BTBD3: variants seen among roughly 807,000 people sequenced by gnomAD.
BTBD3 encodes BTB/POZ domain-containing protein 3.
A neutral mutation model predicts 41.6 loss-of-function variants in BTBD3; 14 were observed. That is an observed-to-expected ratio of 0.34 (90% CI 0.22 to 0.53). The LOEUF (loss-of-function observed/expected upper bound fraction) is 0.53. Ranked by LOEUF, BTBD3 falls within the 20% of genes least tolerant of loss-of-function variation. BTBD3 has a pLI of 0.95. For missense variants in BTBD3, 426 were observed against 654.7 expected, an observed-to-expected ratio of 0.65 and a Z score of 3.81; for synonymous variants, 249 against 233.7, an observed-to-expected ratio of 1.07 and a Z score of -0.60.
At chr20:11,892,491 T>A (rs2056761337) in intron 1 of BTBD3, 1 of 152,208 alleles carries the variant, frequency 6.6e-6, no homozygotes. Flanking sequence ...ACAGGACTCT[T>A]CCTTTTCGGA....
chr20:11,892,361 T>A (rs1391469462), intron 1 of BTBD3: 1 of 152,262 alleles, frequency 6.6e-6, no homozygotes, highest in African/African-American at 2.4e-5. Flanking sequence ...GTTTTAACTT[T>A]AACCTGAGGG....
Position 11,918,296 on chromosome 20 carries a change from G to T in BTBD3, c.21G>T (p.Lys7Asn). 1 of 1,595,814 alleles carries T rather than the reference G, an allele frequency of 6.3e-7. No homozygotes were observed. The highest frequency in any genetic ancestry group is 1.1e-5 in the South Asian group (1 of 87,314). The stretch of plus-strand genomic sequence containing the variant: ...TACTCATGGTAGATGACAAGGAAAA[G>T]AACATGAAATGTCTCACCTTCTTCT... MVDDKE[K>N]NMKCLTFFLM... is the part of the protein sequence containing the mutation. The change falls in exon 1 of 4, where the codon AAG becomes AAT. Residue 7 changes from lysine (K) to asparagine (N), a missense_variant. Transcript: ENST00000378226.
Position 11,909,208 on chromosome 20 carries a change from AG to A in BTBD3, c.-125-9124del, listed in dbSNP as rs532723406. Among the ~76,000 whole-genome samples the A allele has an allele frequency of 2.3e-4, 34 of 149,630 alleles. No individual in the cohort carries two copies. In the East Asian group the frequency reaches 6.3e-3, roughly 28 times the overall value. Reference sequence around the variant, plus strand: ...AGAATTGCCTGAACCCTGGAGGCGGAGGTTGCAGTGAGCTGAGATTGTGCCA... The same window carrying A: ...AGAATTGCCTGAACCCTGGAGGCGGAGTTGCAGTGAGCTGAGATTGTGCCA... On this transcript the variant is annotated intron_variant, in intron 1 of 4. Transcript: ENST00000254977.
At chr20:11,917,813 G>A, upstream of BTBD3, 1 of 528,656 alleles carries the variant, frequency 1.9e-6, no homozygotes, top group Non-Finnish European at 2.4e-6. Flanking sequence ...CATGATTGGT[G>A]ACTTCAGCTA....
intron 1 of BTBD3, among the ~76,000 whole-genome samples, chr20:11,898,342 T>C (rs142791804): frequency 1.6e-3 from 249 of 152,128 alleles, no homozygotes; most frequent in Non-Finnish European, 2.4e-3. Context: ...CTTTTTCCTC[T>C]GCCTATAATA....
At chr20:11,896,227 C>A (rs2056786414) in intron 1 of BTBD3, among the ~76,000 whole-genome samples, 1 of 152,112 alleles carries the variant, frequency 6.6e-6, no homozygotes. Flanking sequence ...CATCTGAATC[C>A]TAATGTTTCC....
chr20:11,909,830 A>G (rs543821004), intron 1 of BTBD3: 1 of 152,192 alleles, frequency 6.6e-6, no homozygotes, highest in Admixed American at 6.5e-5. Context: ...GCCTTTCCCA[A>G]CCTGTCCTGT....
At chr20:11,903,930 G>A (rs140649579) in intron 1 of BTBD3, among the ~76,000 whole-genome samples, 2 of 152,242 alleles carry the variant, frequency 1.3e-5, no homozygotes, top group East Asian at 3.9e-4. Flanking sequence ...ATTGTCTCTT[G>A]TATCCTTCAT....
Position 11,923,197 on chromosome 20 carries a change from G to A in BTBD3, c.1100G>A (p.Arg367His), listed in dbSNP as rs754641290. The change falls in exon 4 of 4, where the codon CGT becomes CAT. Residue 367 changes from arginine (R) to histidine (H), a missense_variant. Physicochemically the swap from Arg to His is conservative, Grantham distance 29. Around this residue, in one of 3 missense-constraint regions of BTBD3, gnomAD observed 321 missense variants for 534.8 expected, o/e 0.60. Coordinates refer to ENST00000378226, the MANE Select transcript of BTBD3 (RefSeq NM_014962.4). The surrounding 1 kb of genome is among the most constrained non-coding windows in gnomAD (Gnocchi z 5.3). The part of the protein sequence containing the change: ...KPELQFVSKA[R>H]KGLVPQRCHR... ...GAGCTTCAGTTTGTGAGTAAAGCCC[G>A]TAAGGGCCTTGTCCCCCAGCGCTGT... 4 of 1,614,230 alleles carry A rather than the reference G, an allele frequency of 2.5e-6. No individual in the cohort carries two copies. Among genetic ancestry groups the A allele is most frequent in the South Asian group, 1.1e-5 (1 of 91,088 alleles).
chr20:11,902,478 C>T lies in BTBD3; in HGVS notation c.-126+11524C>T, dbSNP rs149376658. 1.7e-4 allele frequency among the ~76,000 whole-genome samples: 26 copies of T among 152,206 alleles called. No individual in the cohort carries two copies. The East Asian group carries it at 1.9e-3, about 11-fold the overall frequency. ...TTTGTATGGGTCTCATGATGTTATT[C>T]GTGGTTTACTGTATTGCACTAAACA... On this transcript the variant is annotated intron_variant, in intron 1 of 4. Transcript: ENST00000254977.
At chr20:11,915,657 T>C (rs1035273535), upstream of BTBD3, among the ~76,000 whole-genome samples, 8 of 152,158 alleles carry the variant, frequency 5.3e-5, no homozygotes, top group African/African-American at 1.9e-4. Context: ...TAAGAAAAAG[T>C]AGCCGTCAGA....
At chr20:11,890,887 C>CT in exon 1 of BTBD3, 1 of 985,010 alleles carries the variant, frequency 1.0e-6, no homozygotes, top group Non-Finnish European at 1.2e-6. Context: ...CCGGCCGGGG[C>CT]CTGAGGAGCG....
intron 1 of BTBD3, among the ~76,000 whole-genome samples, chr20:11,897,181 C>T (rs1185848098): frequency 6.6e-6 from 1 of 152,122 alleles, no homozygotes; most frequent in Non-Finnish European, 1.5e-5. Flanking sequence ...CGCCTGTTGT[C>T]ACAAATAGTC....
In BTBD3 at chr20:11,918,610, C is replaced by T. The variant is rs374401806; in HGVS notation, c.326+9C>T. 5.0e-5 allele frequency: 79 copies of T among 1,566,104 alleles called. No homozygotes were observed. Among genetic ancestry groups the T allele is most frequent in the East Asian group, 2.0e-4 (9 of 44,554 alleles). Reference sequence around the variant, plus strand: ...CCCACCATTAGAGAGAGGTAAGTGCCGCGCTAGTCTATTTACTTTAAAAGT... The same window carrying T: ...CCCACCATTAGAGAGAGGTAAGTGCTGCGCTAGTCTATTTACTTTAAAAGT... On this transcript the variant is annotated intron_variant, in intron 1 of 3. Coordinates refer to ENST00000378226, the MANE Select transcript of BTBD3 (RefSeq NM_014962.4).
At chr20:11,897,966 C>T (rs997781376) in intron 1 of BTBD3, among the ~76,000 whole-genome samples, 5 of 152,098 alleles carry the variant, frequency 3.3e-5, no homozygotes, top group East Asian at 3.9e-4. Context: ...AAGACCAGCC[C>T]GGCCAACATG....
intron 1 of BTBD3, among the ~76,000 whole-genome samples, chr20:11,892,097 A>G (rs540221091): frequency 3.3e-5 from 5 of 152,340 alleles, no homozygotes; most frequent in African/African-American, 9.6e-5. Flanking sequence ...GATGAAACTC[A>G]AATTCATTTT....
Sources: gnomAD v4.1 joint callset for allele counts (sites outside exome capture counted in the v4.1 genomes callset) on GRCh38, gnomAD v4.1.1 for gene constraint, gnomAD v4.1.1 regional missense constraint, Gnocchi (gnomAD v3.1) non-coding constraint, MANE v1.5 for transcripts, NCBI Gene and HGNC (gene_info 2026-07-23, HGNC 2026-07-21) for gene names.